Variants in PRPSAP2 observed in about 807,000 individuals in gnomAD.
PRPSAP2 encodes the protein phosphoribosyl pyrophosphate synthetase associated protein 2.
In PRPSAP2, 24 loss-of-function variants were observed where a neutral mutation model predicts 40.6. The ratio of observed to expected loss-of-function variants is 0.59; its 90% CI spans 0.43 to 0.83. The LOEUF is 0.83. Ranked by LOEUF, PRPSAP2 falls within the 40% of genes least tolerant of loss-of-function variation. The pLI is 0.00. For missense variants in PRPSAP2, 292 were observed against 465.6 expected (o/e 0.63, Z 3.43); for synonymous variants, 149 against 164.7 (o/e 0.90, Z 0.73).
chr17:18,882,692 G>A lies in PRPSAP2; in HGVS notation c.528+9G>A. The A allele has an allele frequency of 1.3e-6, 2 of 1,514,668 alleles. No individual in the cohort carries two copies. Among genetic ancestry groups the A allele is most frequent in the South Asian group, 2.3e-5 (2 of 87,712 alleles). The allele number at this position is 1,514,668 out of a possible 1,614,324, so 93.8% of individuals were successfully genotyped here. On this transcript the variant is annotated intron_variant, in intron 7 of 11. Transcript: ENST00000268835. ...AGTATATTCAAGAAGAGGTGAGCTA[G>A]CTCAAACTTTTTTATTTTAACATTC...
At chr17:18,909,021 A>G (rs145610452) in intron 8 of PRPSAP2, among the ~76,000 whole-genome samples, 89 of 152,332 alleles carry the variant, frequency 5.8e-4, no homozygotes, top group African/African-American at 1.7e-3. Context: ...TAAAGCATAA[A>G]TCAATGAAAT....
At chr17:18,898,604 G>A (rs989519963) in intron 8 of PRPSAP2, among the ~76,000 whole-genome samples, 3 of 152,144 alleles carry the variant, frequency 2.0e-5, no homozygotes, top group Non-Finnish European at 1.5e-5. Context: ...AAAAGTTTTT[G>A]TGTCACTTTC....
chr17:18,928,927 C>T lies in PRPSAP2; in HGVS notation c.921C>T (p.Pro307=). The T allele has an allele frequency of 6.2e-7, 1 of 1,614,010 alleles. No individual in the cohort carries two copies. The highest frequency in any genetic ancestry group is 8.5e-7 in the Non-Finnish European group (1 of 1,179,908). ...ATGGCTTGTTGTCTTCTGACGCCCC[C>T]CGGCGGATTGAAGAGTCTGCCATTG... The part of the protein sequence containing the change: ...ATHGLLSSDA[P]RRIEESAIDE... The change falls in exon 11 of 12, where the codon CCC becomes CCT. Residue 307 remains proline, a synonymous_variant. Transcript: ENST00000268835.
intron 8 of PRPSAP2, among the ~76,000 whole-genome samples, chr17:18,903,889 C>G (rs951292371): frequency 2.0e-5 from 3 of 152,154 alleles, no homozygotes; most frequent in African/African-American, 4.8e-5. Context: ...ACCCAGACTT[C>G]GAGCAGGAGA....
chr17:18,862,193 A>G (rs1473882806), intron 1 of PRPSAP2, among the ~76,000 whole-genome samples: 1 of 152,108 alleles, frequency 6.6e-6, no homozygotes, highest in East Asian at 1.9e-4. Flanking sequence ...TGGCCACAGC[A>G]TGTTCTAAGG....
At chr17:18,895,090 T>A (rs1156625919) in intron 8 of PRPSAP2, among the ~76,000 whole-genome samples, 1 of 151,298 alleles carries the variant, frequency 6.6e-6, no homozygotes, top group African/African-American at 2.4e-5. Flanking sequence ...ACTTTTTTTT[T>A]TTTTTTTTTT....
intron 4 of PRPSAP2, among the ~76,000 whole-genome samples, chr17:18,868,499 GA>G (rs970384943): frequency 6.7e-6 from 1 of 150,130 alleles, no homozygotes; most frequent in Non-Finnish European, 1.5e-5. Flanking sequence ...AAAAAAAAAA[GA>G]AATTATTTTA....
chr17:18,894,395 G>C (rs2151930006), intron 8 of PRPSAP2, among the ~76,000 whole-genome samples: 1 of 152,042 alleles, frequency 6.6e-6, no homozygotes, highest in South Asian at 2.1e-4. Context: ...CAGACCTCAG[G>C]TGATCTGCCT....
intron 6 of PRPSAP2, among the ~76,000 whole-genome samples, chr17:18,880,737 C>A (rs1388369420): frequency 2.0e-5 from 3 of 152,022 alleles, no homozygotes; most frequent in Non-Finnish European, 4.4e-5. Flanking sequence ...TGGACTTTGC[C>A]ATGCCTGTTA....
intron 6 of PRPSAP2, among the ~76,000 whole-genome samples, chr17:18,879,219 G>C (rs576971376): frequency 6.6e-6 from 1 of 152,170 alleles, no homozygotes; most frequent in South Asian, 2.1e-4. Context: ...TTTGCACAGA[G>C]TGAATAGAAT....
At chr17:18,913,161 GTC>G in intron 9 of PRPSAP2, among the ~76,000 whole-genome samples, 1 of 152,298 alleles carries the variant, frequency 6.6e-6, no homozygotes, top group Middle Eastern at 3.4e-3. Context: ...CCCTAGTGGG[GTC>G]TCTCTGGTGG....
At chr17:18,863,350 C>T (rs2037180268) in intron 1 of PRPSAP2, among the ~76,000 whole-genome samples, 1 of 152,048 alleles carries the variant, frequency 6.6e-6, no homozygotes, top group Non-Finnish European at 1.5e-5. Context: ...CTTGGCCTCA[C>T]AAGGTGCTGG....
intron 8 of PRPSAP2, among the ~76,000 whole-genome samples, chr17:18,902,017 C>T (rs1437463839): frequency 6.6e-6 from 1 of 152,098 alleles, no homozygotes; most frequent in African/African-American, 2.4e-5. Context: ...CTCTAGGGTA[C>T]AAGTAATCCT....
chr17:18,871,653 CTTTTTTTTTTTTTTT>C (rs142523345), intron 4 of PRPSAP2, among the ~76,000 whole-genome samples: 1 of 129,784 alleles, frequency 7.7e-6, no homozygotes, highest in Non-Finnish European at 1.6e-5. Flanking sequence ...ATATAATTTT[CTTTTTTTTTTTTTTT>C]TTTTTTTTTG....
intron 8 of PRPSAP2, among the ~76,000 whole-genome samples, chr17:18,890,849 G>T (rs2039503599): frequency 2.0e-5 from 3 of 152,170 alleles, no homozygotes; most frequent in Admixed American, 1.3e-4. Context: ...ATATGTTAAA[G>T]GTGACATTTT....
At chr17:18,924,025 T>C in intron 10 of PRPSAP2, 41 bp downstream of exon 10, 3 of 1,552,108 alleles carry the variant, frequency 1.9e-6, no homozygotes, top group Non-Finnish European at 2.7e-6. Context: ...GTATTTGCCA[T>C]TGTTATTCTG....
chr17:18,924,070 C>T (rs1232345197), intron 10 of PRPSAP2, 86 bp downstream of exon 10: 1 of 1,347,798 alleles, frequency 7.4e-7, no homozygotes, highest in South Asian at 1.3e-5. Context: ...ATTACAGAGA[C>T]TCACTGTCGC....
At chr17:18,867,111 T>A (rs1007102440) in intron 3 of PRPSAP2, 171 bp from the exon 4 acceptor site, 23 of 659,190 alleles carry the variant, frequency 3.5e-5, no homozygotes, top group Admixed American at 1.5e-4. Flanking sequence ...GGGGTTGGGG[T>A]GAGGGGCTAG....
chr17:18,885,876 C>T lies in PRPSAP2; in HGVS notation c.528+3193C>T, dbSNP rs1006115734. ...TGCTGGGATTACAGGTGTGAACCAC[C>T]GCACTTGGCCTAATTTTTGTGTTTT... On this transcript the variant is annotated intron_variant, in intron 7 of 11. Transcript: ENST00000268835. Among the ~76,000 whole-genome samples the T allele has an allele frequency of 7.2e-5, 11 of 152,118 alleles. No individual in the cohort carries two copies. In the East Asian group the frequency reaches 1.9e-3, roughly 27 times the overall value.
Sources: allele counts gnomAD v4.1 joint callset (sites outside exome capture counted in the v4.1 genomes callset), GRCh38; gene constraint gnomAD v4.1.1; transcripts MANE v1.5; gene names NCBI Gene and HGNC (gene_info 2026-07-23, HGNC 2026-07-21).